KHDC4: variants seen among roughly 807,000 people sequenced by gnomAD.
The protein encoded by KHDC4 is KH domain containing 4, pre-mRNA splicing factor.
A neutral mutation model predicts 74.5 loss-of-function variants in KHDC4; 19 were observed. That is an observed-to-expected ratio of 0.26 (90% CI 0.18 to 0.37). The LOEUF (loss-of-function observed/expected upper bound fraction) is 0.37, where lower values mean the gene tolerates loss of function less well. KHDC4 is among the 10% of genes least tolerant of loss of function. The probability of loss-of-function intolerance (pLI) is 1.00; values close to 1 mark genes in which losing one functional copy is unlikely to be tolerated. For synonymous variants in KHDC4, 253 were observed against 266.1 expected (o/e 0.95, Z 0.48); for missense variants, 632 against 754.1 (o/e 0.84, Z 1.90).
At chr1:155,916,183 A>G (rs1673725448) in intron 12 of KHDC4, among the ~76,000 whole-genome samples, 1 of 152,190 alleles carries the variant, frequency 6.6e-6, no homozygotes, top group Non-Finnish European at 1.5e-5. Context: ...TTATAGAAAG[A>G]TATCAGCTCC....
intron 8 of KHDC4, among the ~76,000 whole-genome samples, chr1:155,922,367 G>A (rs1382085075): frequency 1.3e-5 from 2 of 152,014 alleles, no homozygotes; most frequent in Admixed American, 1.3e-4. Context: ...GGCTGGTCTC[G>A]AACTCCTGAC....
intron 8 of KHDC4, 130 bp from the exon 9 acceptor site, chr1:155,922,048 T>G: frequency 1.7e-6 from 1 of 594,718 alleles, no homozygotes; most frequent in Non-Finnish European, 2.9e-6. Flanking sequence ...CAATCAAATT[T>G]AAACTTGTTT....
chr1:155,923,528 T>C (rs1442522902), intron 8 of KHDC4, 99 bp downstream of exon 8: 7 of 849,416 alleles, frequency 8.2e-6, no homozygotes, highest in African/African-American at 3.3e-5. Context: ...TAACTTGTTA[T>C]AGCAGTACTA....
intron 10 of KHDC4, among the ~76,000 whole-genome samples, chr1:155,918,791 C>A (rs943252566): frequency 6.6e-6 from 1 of 152,140 alleles, no homozygotes; most frequent in Admixed American, 6.6e-5. Flanking sequence ...ACACAGCTAA[C>A]GTTTACTGAC....
intron 11 of KHDC4, among the ~76,000 whole-genome samples, chr1:155,917,237 AAGAG>A (rs2102597218): frequency 6.6e-6 from 1 of 152,068 alleles, no homozygotes; most frequent in East Asian, 1.9e-4. Context: ...TGGAGGGTAA[AAGAG>A]AGAGCACCAC....
chr1:155,932,436 G>A (rs551570778), intron 2 of KHDC4: 20 of 152,026 alleles, frequency 1.3e-4, no homozygotes, highest in African/African-American at 4.3e-4. Flanking sequence ...GTGGATTCTG[G>A]GTTTCAAACT....
chr1:155,925,918 A>G (rs1330400125), intron 6 of KHDC4, 75 bp from the exon 7 acceptor site: 1 of 1,230,524 alleles, frequency 8.1e-7, no homozygotes. Context: ...TAAGTCAATA[A>G]GAAATTATAG....
In KHDC4 at chr1:155,929,352, T is replaced by G; in HGVS notation, c.408A>C (p.Ala136=). The G allele has an allele frequency of 6.2e-7, 1 of 1,613,992 alleles. No homozygotes were observed. Among genetic ancestry groups the G allele is most frequent in the Non-Finnish European group, 8.5e-7 (1 of 1,179,920 alleles). ...TCATGAACCTCCCTCGAGTTGATAC[T>G]GCAGCCCCACTAAGTCGGCTGATCT... ...QDEISRLSGA[A]VSTRGRFMTT... is the part of the protein sequence containing the mutation. The change falls in exon 4 of 14, where the codon GCA becomes GCC. Residue 136 remains alanine (A), a synonymous_variant. Transcript: ENST00000368321.
At chr1:155,921,976 G>A (rs1673874136) in intron 8 of KHDC4, 58 bp from the exon 9 acceptor site, 6 of 1,047,262 alleles carry the variant, frequency 5.7e-6, no homozygotes, top group Non-Finnish European at 5.8e-6. Context: ...CATTTACAAG[G>A]GTCTGATTAC....
Position 155,915,944 on chromosome 1 carries a change from G to A in KHDC4, c.1574C>T (p.Ala525Val). ...TGTTTTTATTCCAGTCACTGGAAAG[G>A]CTGGTGGAGGCATCAACTGCCTATT... ...ERDRQLMPPP[A>V]FPVTGIKTES... The change falls in exon 13 of 14, where the codon GCC becomes GTC. Residue 525 changes from alanine (A) to valine (V), a missense_variant. This residue lies in a region of KHDC4 where 254 missense variants were observed against 267.4 expected (regional missense o/e 0.95). Transcript: ENST00000368321. 6.3e-7 allele frequency: 1 copy of A among 1,588,778 alleles called. No individual in the cohort carries two copies. Among genetic ancestry groups the A allele is most frequent in the Non-Finnish European group, 8.5e-7 (1 of 1,170,948 alleles).
chr1:155,917,387 C>T, intron 11 of KHDC4, 112 bp downstream of exon 11: 1 of 954,238 alleles, frequency 1.0e-6, no homozygotes. Flanking sequence ...AAAATGAATT[C>T]CAGAAAGCAG....
At position 155,913,904 on chromosome 1, in the gene KHDC4, G is replaced by A; in HGVS notation, c.*217C>T. On this transcript the variant is annotated 3_prime_UTR_variant, in exon 14 of 14. Coordinates refer to ENST00000368321, the MANE Select transcript of KHDC4 (RefSeq NM_014949.4). ...GTTAAAAAGCTTCTGAGATAAATTT[G>A]TGATTCTAATTAAATTTTAACAGAT... 2 of 550,720 alleles carry A rather than the reference G, an allele frequency of 3.6e-6. No individual in the cohort carries two copies. Among genetic ancestry groups the A allele is most frequent in the South Asian group, 4.7e-5 (2 of 42,832 alleles). 34.1% of individuals were successfully genotyped at this position (550,720 alleles called of 1,614,324 possible).
At chr1:155,923,316 C>T (rs1673909124) in intron 8 of KHDC4, among the ~76,000 whole-genome samples, 1 of 152,172 alleles carries the variant, frequency 6.6e-6, no homozygotes, top group East Asian at 1.9e-4. Context: ...TAGTTCTACC[C>T]TTACTTCAGA....
intron 3 of KHDC4, 78 bp downstream of exon 3, chr1:155,929,634 T>A: frequency 2.0e-6 from 3 of 1,491,820 alleles, no homozygotes; most frequent in Non-Finnish European, 2.7e-6. Context: ...AATAAATATC[T>A]GACGCCTGTC....
intron 10 of KHDC4, among the ~76,000 whole-genome samples, chr1:155,920,525 A>C (rs1464278318): frequency 1.3e-5 from 2 of 152,188 alleles, no homozygotes; most frequent in African/African-American, 4.8e-5. Flanking sequence ...AAGTTTATAT[A>C]TCTCTTACAT....
chr1:155,926,565 C>T, intron 6 of KHDC4, 111 bp downstream of exon 6: 6 of 1,226,284 alleles, frequency 4.9e-6, no homozygotes, highest in Non-Finnish European at 1.2e-6. Flanking sequence ...GATCCACCCA[C>T]CTTGGCCTCC....
chr1:155,931,517 G>A (rs999399329), intron 2 of KHDC4, among the ~76,000 whole-genome samples: 4 of 152,090 alleles, frequency 2.6e-5, no homozygotes, highest in East Asian at 1.9e-4. Flanking sequence ...AAGAGACTGT[G>A]CCACTGCACA....
chr1:155,921,264 G>A (rs1424644753), intron 10 of KHDC4, 111 bp downstream of exon 10: 2 of 1,324,722 alleles, frequency 1.5e-6, no homozygotes, highest in Non-Finnish European at 2.1e-6. Context: ...AAGACAGCAG[G>A]AAAAAGACAT....
At chr1:155,926,046 A>G (rs753546688) in intron 6 of KHDC4, 1 of 740,680 alleles carries the variant, frequency 1.4e-6, no homozygotes, top group Non-Finnish European at 2.5e-6. Flanking sequence ...TGTATCAGCA[A>G]AGTCTTACTT....
Sources: gnomAD v4.1 joint callset for allele counts (sites outside exome capture counted in the v4.1 genomes callset) on GRCh38, gnomAD v4.1.1 for gene constraint, gnomAD v4.1.1 regional missense constraint, MANE v1.5 for transcripts, NCBI Gene and HGNC (gene_info 2026-07-23, HGNC 2026-07-21) for gene names.